The following HS3ST2 variants were observed in gnomAD, a reference collection of about 807,000 sequenced individuals.
HS3ST2 encodes the protein heparan sulfate-glucosamine 3-sulfotransferase 2.
Under a neutral mutation model 26.3 loss-of-function variants are expected in HS3ST2, and 17 were observed. The observed-to-expected ratio is 0.65, with a 90% CI of 0.44 to 0.97. HS3ST2 has a LOEUF of 0.97. Among genes scored for constraint, HS3ST2 ranks in the 50% least tolerant of loss-of-function variants. The probability of loss-of-function intolerance (pLI) is 0.00; values close to 1 mark genes in which losing one functional copy is unlikely to be tolerated. For synonymous variants in HS3ST2, 237 were observed against 219.2 expected (o/e 1.08, Z -0.72); for missense variants, 402 against 501.2 (o/e 0.80, Z 1.89).
At chr16:22,906,344 C>G (rs977804588) in intron 1 of HS3ST2, among the ~76,000 whole-genome samples, 3 of 121,918 alleles carry the variant, frequency 2.5e-5, no homozygotes, top group African/African-American at 9.6e-5. Context: ...GCACTCCAGC[C>G]TGGCGACAGA....
At chr16:22,844,863 T>TC (rs1901408748) in intron 1 of HS3ST2, among the ~76,000 whole-genome samples, 1 of 151,926 alleles carries the variant, frequency 6.6e-6, no homozygotes, top group African/African-American at 2.4e-5. Flanking sequence ...TTCTTTCTTT[T>TC]TTTTTTTTTG....
At chr16:22,914,536 T>C (rs547831176) in intron 1 of HS3ST2, among the ~76,000 whole-genome samples, 8 of 151,618 alleles carry the variant, frequency 5.3e-5, no homozygotes, top group Admixed American at 4.6e-4. Context: ...GAGACCCTGC[T>C]CTACAAAAAA....
At chr16:22,851,787 C>T (rs529840363) in intron 1 of HS3ST2, among the ~76,000 whole-genome samples, 3 of 152,304 alleles carry the variant, frequency 2.0e-5, no homozygotes, top group African/African-American at 7.2e-5. Context: ...ACTCCCATCT[C>T]CCCTCCACTG....
Position 22,914,947 on chromosome 16 carries a change from C to A in HS3ST2, c.489C>A (p.Ser163Arg), listed in dbSNP as rs745514027. ...NYGRGLDWYR[S>R]LMPRTLESQI... ...TGTATTCCTTCTGCCCACACAGGAG[C>A]CTGATGCCCAGGACCCTCGAGAGCC... Residue 163 changes from serine (S) to arginine (R), a missense_variant, in exon 2 of 2, where the codon AGC becomes AGA. Ser to Arg is a moderately radical substitution (Grantham distance 110, BLOSUM62 -1). Around this residue, in one of 2 missense-constraint regions of HS3ST2, gnomAD observed 237 missense variants for 346.6 expected, o/e 0.68. Transcript: ENST00000261374. 1 of 1,609,696 alleles carries A rather than the reference C, an allele frequency of 6.2e-7. No individual in the cohort carries two copies. The highest frequency in any genetic ancestry group is 8.5e-7 in the Non-Finnish European group (1 of 1,178,876).
chr16:22,891,575 T>C (rs1262410303), intron 1 of HS3ST2, among the ~76,000 whole-genome samples: 2 of 152,226 alleles, frequency 1.3e-5, no homozygotes, highest in African/African-American at 4.8e-5. Flanking sequence ...AATTTAAACA[T>C]TAATTCATAA....
At chr16:22,863,490 A>G (rs1444985660) in intron 1 of HS3ST2, among the ~76,000 whole-genome samples, 2 of 152,172 alleles carry the variant, frequency 1.3e-5, no homozygotes, top group African/African-American at 4.8e-5. Flanking sequence ...ACCTGGGTAT[A>G]TTGTGTGATA....
intron 1 of HS3ST2, among the ~76,000 whole-genome samples, chr16:22,884,659 A>AT (rs1567496426): frequency 7.9e-4 from 110 of 139,052 alleles, no homozygotes; most frequent in African/African-American, 2.8e-3. Context: ...TAGAGAAAAA[A>AT]ATATATATAT....
chr16:22,840,960 C>G (rs1472364823), intron 1 of HS3ST2, among the ~76,000 whole-genome samples: 1 of 136,104 alleles, frequency 7.3e-6, no homozygotes, highest in Non-Finnish European at 1.6e-5. Context: ...GCTATTCCTC[C>G]CCCCTCCCCC....
At chr16:22,849,606 TGA>T (rs1421809308) in intron 1 of HS3ST2, among the ~76,000 whole-genome samples, 1 of 152,182 alleles carries the variant, frequency 6.6e-6, no homozygotes, top group East Asian at 1.9e-4. Context: ...GGGACCCAGT[TGA>T]GAGACACTTC....
intron 1 of HS3ST2, among the ~76,000 whole-genome samples, chr16:22,888,880 T>C (rs571023000): frequency 2.6e-5 from 4 of 152,380 alleles, no homozygotes; most frequent in Admixed American, 2.0e-4. Flanking sequence ...AGGTTCTCAT[T>C]GCACCTTGGG....
intron 1 of HS3ST2, among the ~76,000 whole-genome samples, chr16:22,893,629 CTTTTCTTTTTTT>C (rs1440760491): frequency 1.5e-5 from 1 of 66,004 alleles, no homozygotes; most frequent in East Asian, 4.5e-4. Context: ...TTCTTTTTTT[CTTTTCTTTTTTT>C]TTTTTTTTAA....
chr16:22,901,950 C>T (rs1245165344), intron 1 of HS3ST2, among the ~76,000 whole-genome samples: 3 of 151,952 alleles, frequency 2.0e-5, no homozygotes, highest in East Asian at 1.9e-4. Context: ...AAAATAAATC[C>T]GAATGCAAAA....
In HS3ST2 at chr16:22,915,284, C is replaced by G. The variant is rs1319192100; in HGVS notation, c.826C>G (p.Arg276Gly). The change falls in exon 2 of 2, where the codon CGA becomes GGA. Residue 276 changes from arginine (R) to glycine (G), a missense_variant. By Grantham distance (125) the Arg-to-Gly change is moderately radical (BLOSUM62 -2). Around this residue, in one of 2 missense-constraint regions of HS3ST2, gnomAD observed 237 missense variants for 346.6 expected, o/e 0.68. Coordinates refer to ENST00000261374, the MANE Select transcript of HS3ST2 (RefSeq NM_006043.2). Reference sequence around the variant, plus strand: ...TCAGATTCACTTCGTCAGTGGCGAGCGACTCATCACTGACCCGGCCGGCGA... The same window carrying G: ...TCAGATTCACTTCGTCAGTGGCGAGGGACTCATCACTGACCCGGCCGGCGA... ...LAQIHFVSGERLITDPAGEMG... is the reference protein window; with the variant it reads ...LAQIHFVSGEGLITDPAGEMG... The G allele has an allele frequency of 6.2e-7, 1 of 1,614,050 alleles. No homozygotes were observed. Among genetic ancestry groups the G allele is most frequent in the Non-Finnish European group, 8.5e-7 (1 of 1,180,028 alleles).
At chr16:22,815,771 A>G (rs1226234912) in intron 1 of HS3ST2, among the ~76,000 whole-genome samples, 1 of 152,158 alleles carries the variant, frequency 6.6e-6, no homozygotes, top group Non-Finnish European at 1.5e-5. Flanking sequence ...CTTAAACTCT[A>G]TCAGCCTCTA....
intron 1 of HS3ST2, among the ~76,000 whole-genome samples, chr16:22,905,264 G>T (rs956587773): frequency 2.0e-5 from 3 of 152,202 alleles, no homozygotes; most frequent in Admixed American, 6.5e-5. Flanking sequence ...CATCAGGCAG[G>T]TTCCCACTTG....
chr16:22,815,272 T>G (rs1900847236), intron 1 of HS3ST2, among the ~76,000 whole-genome samples, 177 bp downstream of exon 1: 1 of 152,232 alleles, frequency 6.6e-6, no homozygotes, highest in Admixed American at 6.5e-5. Flanking sequence ...AGTGATAATC[T>G]AGACGGGCAG....
At chr16:22,889,544 G>C (rs1258526415) in intron 1 of HS3ST2, among the ~76,000 whole-genome samples, 1 of 152,058 alleles carries the variant, frequency 6.6e-6, no homozygotes, top group African/African-American at 2.4e-5. Context: ...TTCAGATTCG[G>C]GATGCTCAAT....
At chr16:22,821,533 G>A (rs951936004) in intron 1 of HS3ST2, among the ~76,000 whole-genome samples, 1 of 152,006 alleles carries the variant, frequency 6.6e-6, no homozygotes, top group Non-Finnish European at 1.5e-5. Context: ...CTCAGGGCAG[G>A]TGATAGGGAA....
At chr16:22,844,355 TCCTTACAGTTCC>T (rs901205680) in intron 1 of HS3ST2, among the ~76,000 whole-genome samples, 4 of 152,162 alleles carry the variant, frequency 2.6e-5, no homozygotes, top group African/African-American at 9.7e-5. Context: ...GAGACAAAGC[TCCTTACAGTTCC>T]CAGGAGCTAG....
Sources: allele counts gnomAD v4.1 joint callset (sites outside exome capture counted in the v4.1 genomes callset), GRCh38; gene constraint gnomAD v4.1.1; regional missense constraint gnomAD v4.1.1; transcripts MANE v1.5; gene names NCBI Gene and HGNC (gene_info 2026-07-23, HGNC 2026-07-21).